The following MOSPD2 variants were observed in gnomAD, a reference collection of about 807,000 sequenced individuals.
MOSPD2 encodes the protein motile sperm domain containing 2.
A neutral mutation model predicts 41.7 loss-of-function variants in MOSPD2; 5 were observed. That is an observed-to-expected ratio of 0.12 (90% CI 0.06 to 0.25). The LOEUF (loss-of-function observed/expected upper bound fraction) is 0.25. Ranked by LOEUF, MOSPD2 falls within the 10% of genes least tolerant of loss-of-function variation. The pLI, the probability that MOSPD2 is intolerant of heterozygous loss-of-function variation, is 1.00. For missense variants in MOSPD2, 282 were observed against 375.2 expected (o/e 0.75, Z 2.05); for synonymous variants, 115 against 126.9 (o/e 0.91, Z 0.63).
At chrX:14,896,756 C>T (rs955751735) in intron 4 of MOSPD2, among the ~76,000 whole-genome samples, 1 of 112,310 alleles carries the variant, frequency 8.9e-6, no homozygotes, top group Non-Finnish European at 1.9e-5. Context: ...TTCCAGTGCT[C>T]GACAAAAGCA....
chrX:14,920,751 T>G lies in MOSPD2; in HGVS notation c.*942T>G. The G allele has an allele frequency of 1.3e-6, 1 of 752,887 alleles. No homozygotes were observed. Among genetic ancestry groups the G allele is most frequent in the Non-Finnish European group, 1.6e-6 (1 of 638,114 alleles). 62.0% of individuals were successfully genotyped at this position (752,887 alleles called of 1,213,427 possible). ...ATGAAAGGTATTAGATATAAATTTT[T>G]TTGAAAGGTTAGTTGTTTGAGATGC... On this transcript the variant is annotated 3_prime_UTR_variant, in exon 15 of 15. Coordinates refer to ENST00000380492, the MANE Select transcript of MOSPD2 (RefSeq NM_152581.4).
chrX:14,897,877 C>T (rs1355177396), intron 5 of MOSPD2, among the ~76,000 whole-genome samples: 1 of 112,180 alleles, frequency 8.9e-6, no homozygotes, highest in African/African-American at 3.2e-5. Context: ...TACCTACAAA[C>T]CCTTCAGCAG....
Position 14,895,347 on chromosome X carries a change from T to C in MOSPD2, c.275T>C (p.Ile92Thr). 5.1e-6 allele frequency: 6 copies of C among 1,172,369 alleles called. No homozygotes were observed. Among genetic ancestry groups the C allele is most frequent in the Non-Finnish European group, 7.0e-6 (6 of 861,984 alleles). ...TCCATTCCCAGATGGTTATTGGAAATTGGTGTTATTTATCTCCATGGTTAT... is the reference window on the plus strand; with the variant it reads ...TCCATTCCCAGATGGTTATTGGAAACTGGTGTTATTTATCTCCATGGTTAT... The part of the protein sequence containing the change: ...ESSIPRWLLE[I>T]GVIYLHGYDK... Residue 92 changes from isoleucine to threonine, a missense_variant, in exon 4 of 15, where the codon ATT (isoleucine) becomes ACT (threonine). By Grantham distance (89) the Ile-to-Thr change is moderately conservative. Transcript: ENST00000380492.
intron 8 of MOSPD2, among the ~76,000 whole-genome samples, chrX:14,909,700 AT>A (rs2147500152): frequency 9.0e-6 from 1 of 111,405 alleles, no homozygotes; most frequent in East Asian, 2.8e-4. Flanking sequence ...CACTTATTTG[AT>A]TTTTTTGCAA....
chrX:14,898,219 G>A (rs2092566380), intron 5 of MOSPD2, among the ~76,000 whole-genome samples: 1 of 111,447 alleles, frequency 9.0e-6, no homozygotes, highest in Non-Finnish European at 1.9e-5. Context: ...GGCAAATTAT[G>A]GTATATCTAG....
Position 14,900,592 on chromosome X carries a change from C to T in MOSPD2, c.495C>T (p.Arg165=). 1 of 1,136,294 alleles carries T rather than the reference C, an allele frequency of 8.8e-7. No individual in the cohort carries two copies. The allele number at this position is 1,136,294 out of a possible 1,213,427, so 93.6% of individuals were successfully genotyped here. A position where few individuals can be genotyped will look rare whatever the true frequency, so the allele number is the denominator to read the frequency against. ...GINSIDMDFV[R]FIINCFKVYY... is the part of the protein sequence containing the mutation. ...TATTTTAGGACATGGACTTTGTACG[C>T]TTTATCATCAACTGCTTTAAGGTTT... The change falls in exon 6 of 15, where the codon CGC becomes CGT. Residue 165 remains arginine, a synonymous_variant. Transcript: ENST00000380492.
chrX:14,913,552 T>A (rs1282289199), intron 10 of MOSPD2, among the ~76,000 whole-genome samples: 2 of 111,792 alleles, frequency 1.8e-5, no homozygotes, highest in Non-Finnish European at 3.8e-5. Context: ...AAGATTAGGC[T>A]CTAGAAGAAA....
intron 2 of MOSPD2, among the ~76,000 whole-genome samples, chrX:14,886,737 A>G (rs1386257333): frequency 3.6e-5 from 4 of 111,843 alleles, no homozygotes; most frequent in African/African-American, 6.5e-5. Context: ...GGAACTGGTT[A>G]CAAATACCAA....
chrX:14,882,162 G>A (rs893115204), intron 2 of MOSPD2, among the ~76,000 whole-genome samples: 1 of 111,766 alleles, frequency 8.9e-6, no homozygotes, highest in African/African-American at 3.3e-5. Context: ...AAGAAGGAAA[G>A]CCTATCATTT....
At chrX:14,905,637 G>T (rs1226913838) in intron 7 of MOSPD2, among the ~76,000 whole-genome samples, 1 of 110,383 alleles carries the variant, frequency 9.1e-6, no homozygotes, top group Non-Finnish European at 1.9e-5. Context: ...GGGACTATAG[G>T]CACCTACCAC....
intron 3 of MOSPD2, chrX:14,893,357 T>G (rs2092557361): frequency 8.9e-6 from 1 of 112,202 alleles, no homozygotes; most frequent in African/African-American, 3.2e-5. Flanking sequence ...TATCACAGTC[T>G]TCTCTGTATA....
chrX:14,890,709 G>A (rs901542250), intron 2 of MOSPD2, among the ~76,000 whole-genome samples: 2 of 111,379 alleles, frequency 1.8e-5, no homozygotes, highest in Non-Finnish European at 3.8e-5. Flanking sequence ...TTAAAGATAA[G>A]GAAATTGAGA....
Position 14,873,557 on chromosome X carries a change from G to C in MOSPD2, c.9+20G>C, listed in dbSNP as rs1319267950. ...GCAGAGGTGAGGAGCCTATTGCACCGCCGCTGGCCCCCCGGACCCGGAAGC... is the reference window on the plus strand; with the variant it reads ...GCAGAGGTGAGGAGCCTATTGCACCCCCGCTGGCCCCCCGGACCCGGAAGC... On this transcript the variant is annotated intron_variant, in intron 1 of 14. Coordinates refer to ENST00000380492, the MANE Select transcript of MOSPD2 (RefSeq NM_152581.4). The C allele has an allele frequency of 1.7e-6, 2 of 1,211,753 alleles. No homozygotes were observed. The highest frequency in any genetic ancestry group is 1.1e-6 in the Non-Finnish European group (1 of 895,307).
Position 14,900,625 on chromosome X carries a change from TA to T in MOSPD2, c.531del (p.Lys177AsnfsTer6). 1.9e-6 allele frequency: 2 copies of T among 1,066,133 alleles called. No homozygotes were observed. Among genetic ancestry groups the T allele is most frequent in the Non-Finnish European group, 2.6e-6 (2 of 781,692 alleles). The allele number at this position is 1,066,133 out of a possible 1,213,427, so 87.9% of individuals were successfully genotyped here. A position where few individuals can be genotyped will look rare whatever the true frequency, so the allele number is the denominator to read the frequency against. On this transcript the variant is annotated frameshift_variant, in exon 6 of 15. Coordinates refer to ENST00000380492, the MANE Select transcript of MOSPD2 (RefSeq NM_152581.4). LOFTEE classifies it high-confidence loss of function. ...TCAACTGCTTTAAGGTTTATTACCCTAAATACCTCTGTAAGTAACTTACTCC... is the reference window on the plus strand; with the variant it reads ...TCAACTGCTTTAAGGTTTATTACCCTAATACCTCTGTAAGTAACTTACTCC... ...IINCFKVYYP[K>X]YLSKIVIFDM...
chrX:14,884,498 T>A (rs183976485), intron 2 of MOSPD2, among the ~76,000 whole-genome samples: 1 of 110,643 alleles, frequency 9.0e-6, no homozygotes, highest in African/African-American at 3.3e-5. Context: ...AAAAGGGGAA[T>A]GGAGGAAAAG....
chrX:14,903,206 A>G (rs907968493), intron 7 of MOSPD2, among the ~76,000 whole-genome samples: 2 of 111,405 alleles, frequency 1.8e-5, no homozygotes, highest in African/African-American at 6.5e-5. Flanking sequence ...GGCACCCATT[A>G]GTCTTCTTTA....
At position 14,895,314 on chromosome X, in the gene MOSPD2, A is replaced by G. The variant is rs756650603; in HGVS notation, c.242A>G (p.Asn81Ser). The change falls in exon 4 of 15, where the codon AAT becomes AGT. Residue 81 changes from asparagine (N) to serine (S), a missense_variant. This residue lies in a region of MOSPD2 where 187 missense variants were observed against 256.6 expected (regional missense o/e 0.73). Coordinates refer to ENST00000380492, the MANE Select transcript of MOSPD2 (RefSeq NM_152581.4). ...AAAGCTTACCACTTTTTAGACCTTAATGAATCCTCCATTCCCAGATGGTTA... is the reference window on the plus strand; with the variant it reads ...AAAGCTTACCACTTTTTAGACCTTAGTGAATCCTCCATTCCCAGATGGTTA... ...WRKEISVNDL[N>S]ESSIPRWLLE... 112 of 1,154,086 alleles carry G rather than the reference A, an allele frequency of 9.7e-5. No homozygotes were observed. The highest frequency in any genetic ancestry group is 7.1e-4 in the Middle Eastern group (3 of 4,228).
In MOSPD2 at chrX:14,921,396, G is replaced by A. The variant is rs1367068188; in HGVS notation, c.*1587G>A. ...CTGTTTCAGTTTGCCACCTCCAGCTGTGAAATGGACTGCAGTCCACCCTAA... is the reference window on the plus strand; with the variant it reads ...CTGTTTCAGTTTGCCACCTCCAGCTATGAAATGGACTGCAGTCCACCCTAA... On this transcript the variant is annotated 3_prime_UTR_variant, in exon 15 of 15. Transcript: ENST00000380492. 6 of 937,505 alleles carry A rather than the reference G, an allele frequency of 6.4e-6. No homozygotes were observed. In the East Asian group the frequency reaches 1.7e-4, roughly 26 times the overall value. 77.3% of individuals were successfully genotyped at this position (937,505 alleles called of 1,213,427 possible).
intron 7 of MOSPD2, among the ~76,000 whole-genome samples, chrX:14,904,411 A>G (rs2092578322): frequency 8.9e-6 from 1 of 111,900 alleles, no homozygotes. Context: ...GACAAAATCT[A>G]GTACCCTCTC....
Sources: allele counts gnomAD v4.1 joint callset (sites outside exome capture counted in the v4.1 genomes callset), GRCh38; gene constraint gnomAD v4.1.1; regional missense constraint gnomAD v4.1.1; transcripts MANE v1.5; gene names NCBI Gene and HGNC (gene_info 2026-07-23, HGNC 2026-07-21).